The following TCF19 variants were observed in gnomAD, a reference collection of about 807,000 sequenced individuals.
TCF19 encodes transcription factor 19.
A neutral mutation model predicts 18.3 loss-of-function variants in TCF19; 9 were observed. The ratio of observed to expected loss-of-function variants is 0.49; its 90% confidence interval spans 0.30 to 0.86. TCF19 has a LOEUF of 0.86. Among genes scored for constraint, TCF19 ranks in the 40% least tolerant of loss-of-function variants. The pLI is 0.07. For missense variants in TCF19, 376 were observed against 464.3 expected, an observed-to-expected ratio of 0.81 and a Z score of 1.75; for synonymous variants, 176 against 185.3, an observed-to-expected ratio of 0.95 and a Z score of 0.41.
At position 31,159,445 on chromosome 6, in the gene TCF19, AGGT is replaced by A; in HGVS notation, c.-20_-18del. On this transcript the variant is annotated 5_prime_UTR_variant, in exon 2 of 4. Transcript: ENST00000376257. ...AGGAAATGGATGCCTGAAGTGGAAG[AGGT>A]GGTGCAGAGGGGGCACCGCCCATGC... 1 of 1,520,590 alleles carries A rather than the reference AGGT, an allele frequency of 6.6e-7. No individual in the cohort carries two copies. The highest frequency in any genetic ancestry group is 1.2e-5 in the South Asian group (1 of 82,376). 94.2% of individuals were successfully genotyped at this position (1,520,590 alleles called of 1,614,324 possible). A position where few individuals can be genotyped will look rare whatever the true frequency, so the allele number is the denominator to read the frequency against.
At position 31,163,606 on chromosome 6, in the gene TCF19, C is replaced by T. The variant is rs1322975281; in HGVS notation, c.*889C>T. ...GTGTGATGGCTGTGACACAGCTCCA[C>T]TCCACGGGTGGACACAGCAGAGGGC... On this transcript the variant is annotated 3_prime_UTR_variant, in exon 4 of 4. Coordinates refer to ENST00000376257, the MANE Select transcript of TCF19 (RefSeq NM_007109.3). The T allele has an allele frequency of 6.1e-6, 6 of 985,394 alleles. No homozygotes were observed. Among genetic ancestry groups the T allele is most frequent in the Non-Finnish European group, 7.2e-6 (6 of 829,990 alleles). 61.0% of individuals were successfully genotyped at this position (985,394 alleles called of 1,614,324 possible). A position where few individuals can be genotyped will look rare whatever the true frequency, so the allele number is the denominator to read the frequency against.
chr6:31,159,790 G>A, intron 2 of TCF19, 83 bp downstream of exon 2: 2 of 1,388,028 alleles, frequency 1.4e-6, no homozygotes, highest in Admixed American at 1.8e-5. Flanking sequence ...AGACCCTGCT[G>A]CCTGCCTCCC....
Position 31,162,583 on chromosome 6 carries a change from G to T in TCF19, c.904G>T (p.Glu302Ter), listed in dbSNP as rs780860948. The T allele has an allele frequency of 1.2e-6, 2 of 1,613,018 alleles. No homozygotes were observed. The highest frequency in any genetic ancestry group is 2.2e-5 in the East Asian group (1 of 44,874). Residue 302 changes from glutamate (E) to a stop codon, truncating the protein, a stop_gained, in exon 4 of 4, where the codon GAA becomes TAA. Coordinates refer to ENST00000376257, the MANE Select transcript of TCF19 (RefSeq NM_007109.3). LOFTEE classifies it high-confidence loss of function. The surrounding 1 kb of genome is among the most constrained non-coding windows in gnomAD (Gnocchi z 4.5). Reference protein sequence around the residue: ...CAAPCCCLPQEETVAWVQCDG... With the variant: ...CAAPCCCLPQ ...AGCTCCTTGTTGCTGCCTGCCCCAG[G>T]AAGAGACAGTGGCCTGGGTTCAGTG...
rs1776906293 is a variant in TCF19, at chr6:31,163,003, A to G, written c.*286A>G. On this transcript the variant is annotated 3_prime_UTR_variant, in exon 4 of 4. Coordinates refer to ENST00000376257, the MANE Select transcript of TCF19 (RefSeq NM_007109.3). ...AGGCCATGTTGCCATGGACACCAGA[A>G]TATCTGTAGTCAGAGCACCTATCAG... 7.6e-7 allele frequency: 1 copy of G among 1,318,894 alleles called. No homozygotes were observed. The highest frequency in any genetic ancestry group is 9.7e-7 in the Non-Finnish European group (1 of 1,035,714). 81.7% of individuals were successfully genotyped at this position (1,318,894 alleles called of 1,614,324 possible).
Position 31,159,772 on chromosome 6 carries a change from T to A in TCF19, c.238+65T>A. 9 of 1,548,768 alleles carry A rather than the reference T, an allele frequency of 5.8e-6. No homozygotes were observed. The South Asian group carries it at 1.0e-4, about 18-fold the overall frequency. ...AAGCGCCAGGCTGGAATGAGTAAGGTCTCCACAAGACCCTGCTGCCTGCCT... is the reference window on the plus strand; with the variant it reads ...AAGCGCCAGGCTGGAATGAGTAAGGACTCCACAAGACCCTGCTGCCTGCCT... On this transcript the variant is annotated intron_variant, in intron 2 of 3. Coordinates refer to ENST00000376257, the MANE Select transcript of TCF19 (RefSeq NM_007109.3).
Position 31,162,943 on chromosome 6 carries a change from C to T in TCF19, c.*226C>T. 1 of 1,407,354 alleles carries T rather than the reference C, an allele frequency of 7.1e-7. No individual in the cohort carries two copies. The highest frequency in any genetic ancestry group is 9.2e-7 in the Non-Finnish European group (1 of 1,085,966). The allele number at this position is 1,407,354 out of a possible 1,614,324, so 87.2% of individuals were successfully genotyped here. A position where few individuals can be genotyped will look rare whatever the true frequency, so the allele number is the denominator to read the frequency against. On this transcript the variant is annotated 3_prime_UTR_variant, in exon 4 of 4. Transcript: ENST00000376257. This position sits in a 1 kb window ranked among gnomAD's most constrained non-coding sequence, Gnocchi z 4.5. ...GATATTGCCACCTCCAGGAAATTGCCAGTGAGCTGGAAGTTCCCACTATTA... is the reference window on the plus strand; with the variant it reads ...GATATTGCCACCTCCAGGAAATTGCTAGTGAGCTGGAAGTTCCCACTATTA...
In TCF19 at chr6:31,161,484, C is replaced by T; in HGVS notation, c.276C>T (p.His92=). ...ATAATGTCCGACTCCCAAGAGGTCACAGGCTGGAATTGAGTGATGGAGACC... is the reference window on the plus strand; with the variant it reads ...ATAATGTCCGACTCCCAAGAGGTCATAGGCTGGAATTGAGTGATGGAGACC... ...LVNNVRLPRG[H]RLELSDGDLL... The change falls in exon 3 of 4, where the codon CAC becomes CAT. Residue 92 remains histidine (H), a synonymous_variant. Transcript: ENST00000376257. 6.8e-7 allele frequency: 1 copy of T among 1,469,060 alleles called. No individual in the cohort carries two copies. The highest frequency in any genetic ancestry group is 9.0e-7 in the Non-Finnish European group (1 of 1,108,764). The allele number at this position is 1,469,060 out of a possible 1,614,324, so 91.0% of individuals were successfully genotyped here.
chr6:31,162,794 C>G lies in TCF19; in HGVS notation c.*77C>G, dbSNP rs749828323. On this transcript the variant is annotated 3_prime_UTR_variant, in exon 4 of 4. Transcript: ENST00000376257. This position sits in a 1 kb window ranked among gnomAD's most constrained non-coding sequence, Gnocchi z 4.5. ...AGCGAGCAAATAGGTCTGATAAATA[C>G]CCCCCTTCCCTTCCCTCCCCAGGAG... The G allele has an allele frequency of 6.5e-6, 10 of 1,539,816 alleles. No homozygotes were observed. The highest frequency in any genetic ancestry group is 2.5e-5 in the South Asian group (2 of 81,114).
Position 31,164,129 on chromosome 6 carries a change from G to A in TCF19, c.*1412G>A, listed in dbSNP as rs1777000313. ...CAGGTAACAGCTACATGGTGACTGA[G>A]TCTATGGGCAAAAGTTCTTGCATCA... On this transcript the variant is annotated 3_prime_UTR_variant, in exon 4 of 4. Coordinates refer to ENST00000376257, the MANE Select transcript of TCF19 (RefSeq NM_007109.3). 1.6e-5 allele frequency: 17 copies of A among 1,075,416 alleles called. No individual in the cohort carries two copies. The highest frequency in any genetic ancestry group is 1.8e-5 in the Non-Finnish European group (16 of 884,348). The allele number at this position is 1,075,416 out of a possible 1,614,324, so 66.6% of individuals were successfully genotyped here.
Position 31,162,798 on chromosome 6 carries a change from C to T in TCF19, c.*81C>T, listed in dbSNP as rs9501503. 3.3e-6 allele frequency: 5 copies of T among 1,528,636 alleles called. No individual in the cohort carries two copies. In the South Asian group the frequency reaches 6.3e-5, roughly 19 times the overall value. The allele number at this position is 1,528,636 out of a possible 1,614,324, so 94.7% of individuals were successfully genotyped here. ...AGCAAATAGGTCTGATAAATACCCC[C>T]CTTCCCTTCCCTCCCCAGGAGGGAA... is the stretch of plus-strand genomic sequence containing the variant. On this transcript the variant is annotated 3_prime_UTR_variant, in exon 4 of 4. Coordinates refer to ENST00000376257, the MANE Select transcript of TCF19 (RefSeq NM_007109.3). This position sits in a 1 kb window ranked among gnomAD's most constrained non-coding sequence, Gnocchi z 4.5.
chr6:31,159,665 G>A lies in TCF19; in HGVS notation c.196G>A (p.Gly66Ser), dbSNP rs763067666. The change falls in exon 2 of 4, where the codon GGT (glycine) becomes AGT (serine). Residue 66 changes from glycine (G) to serine (S), a missense_variant. Coordinates refer to ENST00000376257, the MANE Select transcript of TCF19 (RefSeq NM_007109.3). ...CGCCGAACTGCATGCCGAGCCCCGG[G>A]GTGATGACTGGAGGGTCAGCCTGGA... ...IHAELHAEPR[G>S]DDWRVSLEDH... The A allele has an allele frequency of 1.9e-6, 3 of 1,613,954 alleles. No homozygotes were observed. Among genetic ancestry groups the A allele is most frequent in the Non-Finnish European group, 2.5e-6 (3 of 1,180,036 alleles).
chr6:31,161,526 T>A lies in TCF19; in HGVS notation c.318T>A (p.Pro106=). 6.4e-7 allele frequency: 1 copy of A among 1,562,822 alleles called. No individual in the cohort carries two copies. The highest frequency in any genetic ancestry group is 8.6e-7 in the Non-Finnish European group (1 of 1,158,918). Residue 106 remains proline (P), a synonymous_variant, in exon 3 of 4, where the codon CCT becomes CCA. Coordinates refer to ENST00000376257, the MANE Select transcript of TCF19 (RefSeq NM_007109.3). The part of the protein sequence containing the change: ...LSDGDLLTFG[P]EGPPGTSPSE... ...ATGGAGACCTCCTGACCTTTGGCCC[T>A]GAAGGGCCCCCAGGAACCAGCCCCT...
In TCF19 at chr6:31,163,611, C is replaced by A; in HGVS notation, c.*894C>A. ...ATGGCTGTGACACAGCTCCACTCCA[C>A]GGGTGGACACAGCAGAGGGCAACTG... On this transcript the variant is annotated 3_prime_UTR_variant, in exon 4 of 4. Coordinates refer to ENST00000376257, the MANE Select transcript of TCF19 (RefSeq NM_007109.3). 1.0e-6 allele frequency: 1 copy of A among 985,486 alleles called. No homozygotes were observed. Among genetic ancestry groups the A allele is most frequent in the Non-Finnish European group, 1.2e-6 (1 of 829,972 alleles). The allele number at this position is 985,486 out of a possible 1,614,324, so 61.0% of individuals were successfully genotyped here. A position where few individuals can be genotyped will look rare whatever the true frequency, so the allele number is the denominator to read the frequency against.
rs1776528884 is a variant in TCF19, at chr6:31,158,991, G to C, written c.-479G>C. On this transcript the variant is annotated 5_prime_UTR_variant, in exon 2 of 4. Coordinates refer to ENST00000376257, the MANE Select transcript of TCF19 (RefSeq NM_007109.3). ...AAGCAGGAGTGCTCTATTAGGATAA[G>C]CAAGTTTGACAGGAAGAAGCTACTC... 1 of 160,824 alleles carries C rather than the reference G, an allele frequency of 6.2e-6. No individual in the cohort carries two copies. Among genetic ancestry groups the C allele is most frequent in the African/African-American group, 2.4e-5 (1 of 41,682 alleles). The allele number at this position is 160,824 out of a possible 1,614,324, so 10.0% of individuals were successfully genotyped here.
chr6:31,162,107 G>C lies in TCF19; in HGVS notation c.797+102G>C, dbSNP rs1776825028. ...TCCCCCTGCCTGGGGGGATGGGCACGGGAGGTGGAATAGATGGAATGGCAA... is the reference window on the plus strand; with the variant it reads ...TCCCCCTGCCTGGGGGGATGGGCACCGGAGGTGGAATAGATGGAATGGCAA... On this transcript the variant is annotated intron_variant, in intron 3 of 3. Coordinates refer to ENST00000376257, the MANE Select transcript of TCF19 (RefSeq NM_007109.3). The surrounding 1 kb of genome is among the most constrained non-coding windows in gnomAD (Gnocchi z 4.5). 1 of 1,304,260 alleles carries C rather than the reference G, an allele frequency of 7.7e-7. No individual in the cohort carries two copies. The highest frequency in any genetic ancestry group is 1.0e-6 in the Non-Finnish European group (1 of 966,382). 80.8% of individuals were successfully genotyped at this position (1,304,260 alleles called of 1,614,324 possible). A position where few individuals can be genotyped will look rare whatever the true frequency, so the allele number is the denominator to read the frequency against.
Position 31,163,470 on chromosome 6 carries a change from G to A in TCF19, c.*753G>A. On this transcript the variant is annotated 3_prime_UTR_variant, in exon 4 of 4. Coordinates refer to ENST00000376257, the MANE Select transcript of TCF19 (RefSeq NM_007109.3). ...ACAGATCTATTGCCATTTAAATAAG[G>A]TAACTGGGATTTGGTTAAGTTCACA... 1 of 985,426 alleles carries A rather than the reference G, an allele frequency of 1.0e-6. No individual in the cohort carries two copies. The highest frequency in any genetic ancestry group is 1.2e-6 in the Non-Finnish European group (1 of 829,938). 61.0% of individuals were successfully genotyped at this position (985,426 alleles called of 1,614,324 possible). A position where few individuals can be genotyped will look rare whatever the true frequency, so the allele number is the denominator to read the frequency against.
At position 31,161,747 on chromosome 6, in the gene TCF19, G is replaced by A; in HGVS notation, c.539G>A (p.Gly180Asp). 6.3e-7 allele frequency: 1 copy of A among 1,586,572 alleles called. No homozygotes were observed. The highest frequency in any genetic ancestry group is 8.6e-7 in the Non-Finnish European group (1 of 1,166,366). ...GCCACACTGATCCTAAACTCCATAG[G>A]CAGCCTCAGCAAGCTCCGGCCCCAG... ...PKATLILNSI[G>D]SLSKLRPQPL... The change falls in exon 3 of 4, where the codon GGC becomes GAC. Residue 180 changes from glycine (G) to aspartate (D), a missense_variant. Gly to Asp is a moderately conservative substitution (Grantham distance 94). Transcript: ENST00000376257.
Position 31,163,476 on chromosome 6 carries a change from G to T in TCF19, c.*759G>T. ...CTATTGCCATTTAAATAAGGTAACTGGGATTTGGTTAAGTTCACAAAGATA... is the reference window on the plus strand; with the variant it reads ...CTATTGCCATTTAAATAAGGTAACTTGGATTTGGTTAAGTTCACAAAGATA... On this transcript the variant is annotated 3_prime_UTR_variant, in exon 4 of 4. Coordinates refer to ENST00000376257, the MANE Select transcript of TCF19 (RefSeq NM_007109.3). The T allele has an allele frequency of 1.0e-6, 1 of 985,432 alleles. No individual in the cohort carries two copies. Among genetic ancestry groups the T allele is most frequent in the Non-Finnish European group, 1.2e-6 (1 of 829,934 alleles). 61.0% of individuals were successfully genotyped at this position (985,432 alleles called of 1,614,324 possible). A position where few individuals can be genotyped will look rare whatever the true frequency, so the allele number is the denominator to read the frequency against.
chr6:31,161,217 A>G (rs961987495), intron 2 of TCF19, among the ~76,000 whole-genome samples: 6 of 151,954 alleles, frequency 3.9e-5, no homozygotes, highest in African/African-American at 1.4e-4. Context: ...ACCTTAGGAC[A>G]GTGAGGGCAG....
Sources: allele counts gnomAD v4.1 joint callset (sites outside exome capture counted in the v4.1 genomes callset), GRCh38; gene constraint gnomAD v4.1.1; non-coding constraint Gnocchi (gnomAD v3.1); transcripts MANE v1.5; gene names NCBI Gene and HGNC (gene_info 2026-07-23, HGNC 2026-07-21).